The following SCNN1B variants were observed in gnomAD, a reference collection of about 807,000 sequenced individuals.
The protein encoded by SCNN1B is sodium channel epithelial 1 subunit beta.
Under a neutral mutation model 65.3 loss-of-function variants are expected in SCNN1B, and 46 were observed. The ratio of observed to expected loss-of-function variants is 0.70; its 90% CI spans 0.56 to 0.90. The LOEUF (loss-of-function observed/expected upper bound fraction) is 0.90. SCNN1B is among the 40% of genes least tolerant of loss of function. The pLI, the probability that SCNN1B is intolerant of heterozygous loss-of-function variation, is 0.00. For synonymous variants in SCNN1B, 349 were observed against 330.6 expected (o/e 1.06, Z -0.60); for missense variants, 751 against 830.5 (o/e 0.90, Z 1.18).
intron 4 of SCNN1B, chr16:23,358,366 C>G (rs1962462877): frequency 6.6e-6 from 1 of 152,134 alleles, no homozygotes; most frequent in African/African-American, 2.4e-5. Context: ...AGGGTCAAGG[C>G]TTGGGGTCTG....
upstream of SCNN1B, among the ~76,000 whole-genome samples, chr16:23,301,016 G>GTGTA: frequency 6.6e-6 from 1 of 151,992 alleles, no homozygotes; most frequent in East Asian, 1.9e-4. Flanking sequence ...GTGTGTGTGT[G>GTGTA]TGTGTATTCC....
intron 1 of SCNN1B, among the ~76,000 whole-genome samples, chr16:23,314,220 GT>G (rs1961404220): frequency 6.6e-6 from 1 of 151,970 alleles, no homozygotes; most frequent in Non-Finnish European, 1.5e-5. Context: ...TAGAGACAGG[GT>G]TTGGCCATGT....
In SCNN1B at chr16:23,317,979, G is replaced by A. The variant is rs72652300; in HGVS notation, c.-9+15542G>A. Reference sequence around the variant, plus strand: ...CCTCCTTCTTCCTGCAGAAGGTACAGAACTGTTTTGAGTGCCTCAGCTCCA... The same window carrying A: ...CCTCCTTCTTCCTGCAGAAGGTACAAAACTGTTTTGAGTGCCTCAGCTCCA... On this transcript the variant is annotated intron_variant, in intron 1 of 12. Coordinates refer to ENST00000343070, the MANE Select transcript of SCNN1B (RefSeq NM_000336.3). Among the ~76,000 whole-genome samples, 308 of 152,328 alleles carry A rather than the reference G, an allele frequency of 2.0e-3. 2 individuals are homozygous for A. Among genetic ancestry groups the A allele is most frequent in the African/African-American group, 6.8e-3 (284 of 41,574 alleles).
At chr16:23,343,575 G>GAAA in intron 1 of SCNN1B, among the ~76,000 whole-genome samples, 1 of 116,296 alleles carries the variant, frequency 8.6e-6, no homozygotes, top group Middle Eastern at 4.8e-3. Flanking sequence ...AAGAAAGAAA[G>GAAA]AAAAAGAGAA....
At chr16:23,376,513 G>T (rs1962899424) in intron 8 of SCNN1B, among the ~76,000 whole-genome samples, 1 of 152,076 alleles carries the variant, frequency 6.6e-6, no homozygotes, top group Non-Finnish European at 1.5e-5. Flanking sequence ...TAGCCTCCAA[G>T]GACTCGAAAC....
At chr16:23,286,673 A>G (rs1960854838) in intron 2 of SCNN1B, among the ~76,000 whole-genome samples, 1 of 152,242 alleles carries the variant, frequency 6.6e-6, no homozygotes, top group Non-Finnish European at 1.5e-5. Context: ...ATCAAACTCT[A>G]GAAGGTAGAC....
chr16:23,380,908 T>C lies in SCNN1B; in HGVS notation c.*107T>C, dbSNP rs1196995644. On this transcript the variant is annotated 3_prime_UTR_variant, in exon 13 of 13. Transcript: ENST00000343070. The surrounding 1 kb of genome is among the most constrained non-coding windows in gnomAD (Gnocchi z 5.4). ...CTCCAAAGGGTCGGGAGGGTAGCTC[T>C]CCAGGCCAGAGCTTGTGTCCTTCAA... 1.6e-6 allele frequency: 2 copies of C among 1,248,856 alleles called. No individual in the cohort carries two copies. Among genetic ancestry groups the C allele is most frequent in the East Asian group, 2.3e-5 (1 of 43,232 alleles). The allele number at this position is 1,248,856 out of a possible 1,614,324, so 77.4% of individuals were successfully genotyped here. A position where few individuals can be genotyped will look rare whatever the true frequency, so the allele number is the denominator to read the frequency against.
chr16:23,304,037 T>G (rs1380501477), intron 1 of SCNN1B: 1 of 1,531,332 alleles, frequency 6.5e-7, no homozygotes, highest in Non-Finnish European at 8.8e-7. Flanking sequence ...TTATTTAAAC[T>G]GCTGCATGGA....
chr16:23,335,141 CA>C (rs1157952149), intron 1 of SCNN1B, among the ~76,000 whole-genome samples: 1 of 152,190 alleles, frequency 6.6e-6, no homozygotes, highest in African/African-American at 2.4e-5. Context: ...GCAGAGTACA[CA>C]ATGGATGATT....
rs138031255 is a variant in SCNN1B at position 23,378,104 on chromosome 16, G to C, written c.1405-602G>C. 2.4e-4 allele frequency among the ~76,000 whole-genome samples: 37 copies of C among 152,254 alleles called. 2 individuals are homozygous for C. The East Asian group carries it at 7.1e-3, about 29-fold the overall frequency. On this transcript the variant is annotated intron_variant, in intron 10 of 12. Transcript: ENST00000343070. The stretch of plus-strand genomic sequence containing the variant: ...GCTCACTGAAGCCTCGAACTCCTGG[G>C]CTTAAGTGATGCTCCTGCCTCAGCT...
At chr16:23,357,558 G>A (rs1962445923) in intron 4 of SCNN1B, among the ~76,000 whole-genome samples, 1 of 152,208 alleles carries the variant, frequency 6.6e-6, no homozygotes, top group South Asian at 2.1e-4. Context: ...ACTTCAGCCT[G>A]GGCAGCAGAG....
chr16:23,355,970 A>C (rs11860339), intron 4 of SCNN1B, among the ~76,000 whole-genome samples: 2 of 152,008 alleles, frequency 1.3e-5, no homozygotes. Context: ...AGGAGGAAAA[A>C]GTTAAACAAG....
At chr16:23,355,197 T>C in intron 3 of SCNN1B, 102 bp from the exon 4 acceptor site, 1 of 1,186,646 alleles carries the variant, frequency 8.4e-7, no homozygotes, top group Non-Finnish European at 1.3e-6. Context: ...GAAAGGTGGC[T>C]GGCAAAGCAC....
intron 3 of SCNN1B, 135 bp from the exon 4 acceptor site, chr16:23,355,164 T>C (rs1268796054): frequency 1.2e-5 from 10 of 819,642 alleles, no homozygotes; most frequent in African/African-American, 1.7e-5. Flanking sequence ...GTGTGAACGT[T>C]TCCCACCACC....
upstream of SCNN1B, among the ~76,000 whole-genome samples, chr16:23,301,843 G>A (rs1289646019): frequency 6.6e-6 from 1 of 152,188 alleles, no homozygotes; most frequent in Non-Finnish European, 1.5e-5. Context: ...TGGGAAAAGT[G>A]GCTGCATATG....
At chr16:23,325,037 AAC>A (rs1212937507) in intron 1 of SCNN1B, among the ~76,000 whole-genome samples, 2 of 152,342 alleles carry the variant, frequency 1.3e-5, no homozygotes, top group South Asian at 2.1e-4. Flanking sequence ...AAGGAAAGCA[AAC>A]ACAGCAATAA....
intron 4 of SCNN1B, among the ~76,000 whole-genome samples, chr16:23,356,951 G>C (rs918754545): frequency 6.6e-6 from 1 of 152,220 alleles, no homozygotes; most frequent in Admixed American, 6.5e-5. Flanking sequence ...GCCTGAGGAT[G>C]GGCAGGAACA....
chr16:23,303,576 C>A (rs2141977837), intron 1 of SCNN1B, among the ~76,000 whole-genome samples: 1 of 152,228 alleles, frequency 6.6e-6, no homozygotes, highest in South Asian at 2.1e-4. Flanking sequence ...TTTCCCCCAC[C>A]TACACAGTCA....
chr16:23,327,280 C>T (rs111344497), intron 1 of SCNN1B, among the ~76,000 whole-genome samples: 1,691 of 152,126 alleles, frequency 0.011, 37 homozygotes, highest in African/African-American at 0.038. Context: ...GCCTGTAATC[C>T]CAGCACTTTG....
Sources: allele counts gnomAD v4.1 joint callset (sites outside exome capture counted in the v4.1 genomes callset), GRCh38; gene constraint gnomAD v4.1.1; non-coding constraint Gnocchi (gnomAD v3.1); transcripts MANE v1.5; gene names NCBI Gene and HGNC (gene_info 2026-07-23, HGNC 2026-07-21).